NPSR1: variants seen among roughly 807,000 people sequenced by gnomAD.
NPSR1 encodes neuropeptide S receptor.
A neutral mutation model predicts 46.9 loss-of-function variants in NPSR1; 48 were observed. The observed-to-expected ratio is 1.02, with a 90% CI of 0.81 to 1.30. NPSR1 has a LOEUF of 1.30. NPSR1 is among the 50% of genes most tolerant of loss of function. The probability of loss-of-function intolerance (pLI) is 0.00; values close to 1 mark genes in which losing one functional copy is unlikely to be tolerated. For synonymous variants in NPSR1, 176 were observed against 168.1 expected, an observed-to-expected ratio of 1.05 and a Z score of -0.36; for missense variants, 450 against 449.5, an observed-to-expected ratio of 1.00 and a Z score of -0.01.
intron 4 of NPSR1, among the ~76,000 whole-genome samples, chr7:34,826,385 T>C (rs376294998): frequency 6.6e-4 from 101 of 152,332 alleles, no homozygotes; most frequent in African/African-American, 2.2e-3. Context: ...TCTCACTTCT[T>C]GTAGCTCGAC....
chr7:34,877,804 C>T (rs1002933316), intron 8 of NPSR1, among the ~76,000 whole-genome samples: 5 of 152,198 alleles, frequency 3.3e-5, no homozygotes, highest in Non-Finnish European at 7.4e-5. Context: ...CTGGAGTGGC[C>T]ACAATGCCAG....
At chr7:34,840,892 A>G (rs1042784055) in intron 6 of NPSR1, among the ~76,000 whole-genome samples, 9 of 152,296 alleles carry the variant, frequency 5.9e-5, no homozygotes, top group Admixed American at 3.9e-4. Flanking sequence ...CTAGAGGGAC[A>G]AAGACACCCT....
At chr7:34,700,683 C>T (rs970661299) in intron 2 of NPSR1, among the ~76,000 whole-genome samples, 3 of 152,154 alleles carry the variant, frequency 2.0e-5, no homozygotes, top group Non-Finnish European at 2.9e-5. Context: ...TTTTGCTTTG[C>T]CAGTGTTTTA....
In NPSR1 at chr7:34,868,756, G is replaced by A. The variant is rs117668420; in HGVS notation, c.1026-9320G>A. Among the ~76,000 whole-genome samples, 69 of 151,750 alleles carry A rather than the reference G, an allele frequency of 4.5e-4. 1 individual carries two copies. The East Asian group carries it at 7.2e-3, about 16-fold the overall frequency. ...CCTGAGTCGGTTTCCATGGACTCCC[G>A]TTTAAACCCTGGGGGCAGGCAGGCA... On this transcript the variant is annotated intron_variant, in intron 8 of 8. Transcript: ENST00000359791.
chr7:34,663,952 T>C (rs1054414951), intron 1 of NPSR1, among the ~76,000 whole-genome samples: 5 of 152,188 alleles, frequency 3.3e-5, no homozygotes, highest in Admixed American at 3.3e-4. Flanking sequence ...TGGTGGACAG[T>C]GTATCAAAGA....
intron 2 of NPSR1, among the ~76,000 whole-genome samples, chr7:34,715,061 G>T (rs1783494256): frequency 6.6e-6 from 1 of 152,244 alleles, no homozygotes; most frequent in African/African-American, 2.4e-5. Context: ...CACCTGATGT[G>T]AGAAAGAGCA....
intron 3 of NPSR1, among the ~76,000 whole-genome samples, chr7:34,798,582 G>A (rs966475803): frequency 6.6e-6 from 1 of 152,070 alleles, no homozygotes; most frequent in Non-Finnish European, 1.5e-5. Context: ...CAATTTAACT[G>A]AACAGCTATC....
chr7:34,731,151 G>T (rs1392447431), intron 2 of NPSR1, among the ~76,000 whole-genome samples: 3 of 151,566 alleles, frequency 2.0e-5, no homozygotes, highest in African/African-American at 7.3e-5. Context: ...AATTATAAAC[G>T]GATTTAAATG....
At chr7:34,873,071 C>T (rs1791495435) in intron 8 of NPSR1, among the ~76,000 whole-genome samples, 3 of 151,758 alleles carry the variant, frequency 2.0e-5, no homozygotes, top group African/African-American at 4.9e-5. Flanking sequence ...TCTATAGAGC[C>T]TTAGGGCCTG....
intron 2 of NPSR1, among the ~76,000 whole-genome samples, chr7:34,713,834 C>T (rs1425604745): frequency 1.3e-5 from 2 of 152,254 alleles, no homozygotes; most frequent in African/African-American, 4.8e-5. Flanking sequence ...AACAGGATCT[C>T]AAAGCCACAG....
rs759396486 is a variant in NPSR1, at chr7:34,856,354, T to C, written c.1025+7691T>C. Among the ~76,000 whole-genome samples the C allele has an allele frequency of 3.1e-4, 47 of 151,878 alleles. 1 individual carries two copies. The highest frequency in any genetic ancestry group is 4.7e-4 in the Non-Finnish European group (32 of 67,996). On this transcript the variant is annotated intron_variant, in intron 8 of 8. Coordinates refer to the NPSR1 transcript ENST00000359791. ...ACATAGCAGCAATAAATAAAAAATTTAATTTTTAAAGTTTTGTAGCAATGA... is the reference window on the plus strand; with the variant it reads ...ACATAGCAGCAATAAATAAAAAATTCAATTTTTAAAGTTTTGTAGCAATGA...
chr7:34,823,399 G>GAAAAAAAAAAAAAAAAAAAAAAAAAAA (rs577186339), intron 4 of NPSR1, among the ~76,000 whole-genome samples: 9 of 68,262 alleles, frequency 1.3e-4, no homozygotes, highest in African/African-American at 2.6e-4. Flanking sequence ...GACTTCACCA[G>GAAAAAAAAAAAAAAAAAAAAAAAAAAA]AAAAAAAAAA....
chr7:34,792,715 T>TTA (rs374455709), intron 3 of NPSR1, among the ~76,000 whole-genome samples: 5,018 of 98,766 alleles, frequency 0.051, 538 homozygotes, highest in African/African-American at 0.18. Flanking sequence ...ATATATATAT[T>TTA]TATATATATA....
chr7:34,780,815 T>A (rs1215662314), intron 3 of NPSR1, among the ~76,000 whole-genome samples: 2 of 152,162 alleles, frequency 1.3e-5, no homozygotes, highest in African/African-American at 4.8e-5. Flanking sequence ...AAGACTCCAC[T>A]TGCAAGGCTG....
Position 34,849,940 on chromosome 7 carries a change from T to C in NPSR1, c.*285T>C, listed in dbSNP as rs6958905. The C allele has an allele frequency of 0.35, 415,344 of 1,178,762 alleles. 77,215 individuals are homozygous for C. The highest frequency in any genetic ancestry group is 0.61 in the African/African-American group (38,475 of 63,498). The allele number at this position is 1,178,762 out of a possible 1,614,324, so 73.0% of individuals were successfully genotyped here. ...ACCTGAACCCAGTGAACACAGGCAT[T>C]AGTGGTCCAGGGTCCTGGCTTGGAG... On this transcript the variant is annotated 3_prime_UTR_variant, in exon 9 of 9. Coordinates refer to ENST00000360581, the MANE Select transcript of NPSR1 (RefSeq NM_207172.2).
At chr7:34,707,540 TA>T (rs1344478358) in intron 2 of NPSR1, among the ~76,000 whole-genome samples, 1 of 152,240 alleles carries the variant, frequency 6.6e-6, no homozygotes, top group Admixed American at 6.5e-5. Flanking sequence ...TTTGCTTTCG[TA>T]ATTCAACAAA....
intron 1 of NPSR1, among the ~76,000 whole-genome samples, chr7:34,674,497 A>T (rs2168892): frequency 0.12 from 18,630 of 152,212 alleles, 1,222 homozygotes; most frequent in Middle Eastern, 0.17. Context: ...GCTGTGAATG[A>T]TGGAAGCCAC....
At chr7:34,849,426 AG>A (rs757215950) in intron 8 of NPSR1, 138 bp from the exon 9 acceptor site, 1 of 1,577,760 alleles carries the variant, frequency 6.3e-7, no homozygotes, top group African/African-American at 1.4e-5. Context: ...AAGGAAGGTC[AG>A]GGTATTACAT....
chr7:34,857,016 C>T (rs1791065888), intron 8 of NPSR1, among the ~76,000 whole-genome samples: 1 of 151,458 alleles, frequency 6.6e-6, no homozygotes, highest in South Asian at 2.1e-4. Flanking sequence ...TCCATGAGCT[C>T]CTGCATTCGT....
Sources: allele counts gnomAD v4.1 joint callset (sites outside exome capture counted in the v4.1 genomes callset), GRCh38; gene constraint gnomAD v4.1.1; transcripts MANE v1.5; gene names NCBI Gene and HGNC (gene_info 2026-07-23, HGNC 2026-07-21).